LPCAT1: variants seen among roughly 807,000 people sequenced by gnomAD.
LPCAT1 encodes the protein 1-acylglycerol-3-phosphate O-acyltransferase.
Under a neutral mutation model 60.9 loss-of-function variants are expected in LPCAT1, and 23 were observed. That is an observed-to-expected ratio of 0.38 (90% confidence interval 0.27 to 0.53). The LOEUF is 0.53. Among genes scored for constraint, LPCAT1 ranks in the 20% least tolerant of loss-of-function variants. The probability of loss-of-function intolerance (pLI) is 0.82; values close to 1 mark genes in which losing one functional copy is unlikely to be tolerated. For synonymous variants in LPCAT1, 340 were observed against 301.1 expected (o/e 1.13, Z -1.34); for missense variants, 622 against 723.6 (o/e 0.86, Z 1.61).
chr5:1,465,881 AC>A (rs1734374030), intron 13 of LPCAT1, among the ~76,000 whole-genome samples: 1 of 145,040 alleles, frequency 6.9e-6, no homozygotes, highest in Non-Finnish European at 1.6e-5. Context: ...ACAAACGCAC[AC>A]AGGCGCACAC....
At position 1,483,634 on chromosome 5, in the gene LPCAT1, A is replaced by C. The variant is rs1735250386; in HGVS notation, c.668-148T>G. The stretch of plus-strand genomic sequence containing the variant: ...GGGCACTCCATGCCTGGACTATCTC[A>C]ACATCTGTCCTGACCGTAAACACCC... On this transcript the variant is annotated intron_variant, in intron 5 of 13. Coordinates refer to ENST00000283415, the MANE Select transcript of LPCAT1 (RefSeq NM_024830.5). This position sits in a 1 kb window ranked among gnomAD's most constrained non-coding sequence, Gnocchi z 9.2. 1.5e-4 allele frequency: 110 copies of C among 732,584 alleles called. No individual in the cohort carries two copies. Among genetic ancestry groups the C allele is most frequent in the East Asian group, 2.1e-4 (8 of 38,238 alleles). The allele number at this position is 732,584 out of a possible 1,614,324, so 45.4% of individuals were successfully genotyped here.
intron 11 of LPCAT1, among the ~76,000 whole-genome samples, chr5:1,471,768 G>C (rs919399373): frequency 1.3e-5 from 2 of 150,468 alleles, no homozygotes; most frequent in East Asian, 3.9e-4. Flanking sequence ...ACACAGGATA[G>C]GGGGGAGGAC....
rs770013228 is a variant in LPCAT1, at chr5:1,477,107, C to T, written c.899+297G>A. Among the ~76,000 whole-genome samples, 11 of 152,334 alleles carry T rather than the reference C, an allele frequency of 7.2e-5. No homozygotes were observed. The highest frequency in any genetic ancestry group is 2.1e-4 in the South Asian group (1 of 4,834). On this transcript the variant is annotated intron_variant, in intron 9 of 13. Coordinates refer to ENST00000283415, the MANE Select transcript of LPCAT1 (RefSeq NM_024830.5). This position sits in a 1 kb window ranked among gnomAD's most constrained non-coding sequence, Gnocchi z 6.0. ...GTGAAGTTGGCCCAGGCCAGCGCCC[C>T]GCTGGCTCATTTAGGGCACAGGAAA...
intron 12 of LPCAT1, among the ~76,000 whole-genome samples, chr5:1,467,523 G>A (rs926145435): frequency 6.6e-5 from 10 of 152,230 alleles, no homozygotes; most frequent in Non-Finnish European, 1.5e-4. Flanking sequence ...CTCTGTGCAG[G>A]GCCCAGTGCC....
rs539585623 is a variant in LPCAT1, at chr5:1,487,350, C to CGG, written c.667+1040_667+1041insCC. On this transcript the variant is annotated intron_variant, in intron 5 of 13. Transcript: ENST00000283415. The surrounding 1 kb of genome is among the most constrained non-coding windows in gnomAD (Gnocchi z 6.1). ...ATCTCTGGTTCTGATCAGAATGACT[C>CGG]AGAACCACGCGTGGTGAAGACAATG... Among the ~76,000 whole-genome samples the CGG allele has an allele frequency of 3.8e-3, 572 of 152,326 alleles. 6 individuals carry two copies. The highest frequency in any genetic ancestry group is 0.013 in the African/African-American group (548 of 41,574).
chr5:1,492,539 A>C (rs1341345599), intron 3 of LPCAT1, among the ~76,000 whole-genome samples: 1 of 107,598 alleles, frequency 9.3e-6, no homozygotes, highest in Non-Finnish European at 1.9e-5. Context: ...AAAATTTCTG[A>C]TAAGCTTGTC....
rs531343643 is a variant in LPCAT1, at chr5:1,482,080, G to A, written c.727-1104C>T. ...TCGCTGTGATGGGCAGGCCCTCCTC[G>A]GTGCTCTCCCAGGTGGGTGCTCCAC... On this transcript the variant is annotated intron_variant, in intron 6 of 13. Transcript: ENST00000283415. Among the ~76,000 whole-genome samples, 56 of 152,264 alleles carry A rather than the reference G, an allele frequency of 3.7e-4. 2 individuals are homozygous for A. The East Asian group carries it at 7.4e-3, about 20-fold the overall frequency.
intron 5 of LPCAT1, among the ~76,000 whole-genome samples, chr5:1,486,386 C>T (rs1444901800): frequency 6.6e-6 from 1 of 152,164 alleles, no homozygotes; most frequent in African/African-American, 2.4e-5. Context: ...GAGGACCCTG[C>T]TGGAGGCTCC....
chr5:1,470,666 T>G (rs1734630615), intron 12 of LPCAT1, among the ~76,000 whole-genome samples, 160 bp downstream of exon 12: 1 of 152,232 alleles, frequency 6.6e-6, no homozygotes. Context: ...TTTCTGGGCA[T>G]TTTACAAACA....
chr5:1,492,150 C>CGGGAGATGTCTCTGAGCTGGAAACCT (rs1300957588), intron 3 of LPCAT1, among the ~76,000 whole-genome samples: 3 of 126,680 alleles, frequency 2.4e-5, no homozygotes, highest in Non-Finnish European at 4.9e-5. Context: ...GCTGGGACCA[C>CGGGAGATGTCTCTGAGCTGGAAACCT]GGGAGATGTC....
At chr5:1,512,478 G>A (rs1351452254) in intron 1 of LPCAT1, among the ~76,000 whole-genome samples, 1 of 152,224 alleles carries the variant, frequency 6.6e-6, no homozygotes, top group African/African-American at 2.4e-5. Context: ...TCTGGGGCAA[G>A]CACCCTGCAG....
intron 2 of LPCAT1, among the ~76,000 whole-genome samples, chr5:1,499,113 A>G (rs1052179652): frequency 2.6e-5 from 4 of 152,252 alleles, no homozygotes; most frequent in African/African-American, 9.6e-5. Context: ...AGCTGCTAGA[A>G]TAAGAGTCCG....
intron 5 of LPCAT1, among the ~76,000 whole-genome samples, chr5:1,486,743 C>A (rs1038743305): frequency 6.6e-6 from 1 of 152,150 alleles, no homozygotes. Flanking sequence ...CCAGCTAAGA[C>A]GCATGAGGGC....
rs902228354 is a variant in LPCAT1, at chr5:1,495,344, C to T, written c.279-430G>A. On this transcript the variant is annotated intron_variant, in intron 2 of 13. Coordinates refer to ENST00000283415, the MANE Select transcript of LPCAT1 (RefSeq NM_024830.5). This position sits in a 1 kb window ranked among gnomAD's most constrained non-coding sequence, Gnocchi z 4.7. ...ATATCGCAATATGGGGGGGGGGGCGCTCAGAGCTGAGGGCGGAAGCTGAGA... is the reference window on the plus strand; with the variant it reads ...ATATCGCAATATGGGGGGGGGGGCGTTCAGAGCTGAGGGCGGAAGCTGAGA... Among the ~76,000 whole-genome samples the T allele has an allele frequency of 6.6e-6, 1 of 150,994 alleles. No homozygotes were observed. The highest frequency in any genetic ancestry group is 1.5e-5 in the Non-Finnish European group (1 of 67,858).
chr5:1,466,998 C>G, intron 12 of LPCAT1, 108 bp from the exon 13 acceptor site: 1 of 1,224,310 alleles, frequency 8.2e-7, no homozygotes, highest in Non-Finnish European at 1.1e-6. Context: ...AGCTGCTGGG[C>G]ACCTGCAGGG....
At chr5:1,474,170 G>A in intron 10 of LPCAT1, 60 bp from the exon 11 acceptor site, 1 of 1,534,102 alleles carries the variant, frequency 6.5e-7, no homozygotes, top group African/African-American at 1.4e-5. Flanking sequence ...GCTAACACCA[G>A]ATTTACTTCT....
rs985509925 is a variant in LPCAT1, at chr5:1,480,556, G to T, written c.761+386C>A. Among the ~76,000 whole-genome samples the T allele has an allele frequency of 4.6e-5, 7 of 152,132 alleles. No homozygotes were observed. Among genetic ancestry groups the T allele is most frequent in the Non-Finnish European group, 1.0e-4 (7 of 68,000 alleles). On this transcript the variant is annotated intron_variant, in intron 7 of 13. Transcript: ENST00000283415. The surrounding 1 kb of genome is among the most constrained non-coding windows in gnomAD (Gnocchi z 6.4). ...GACAGGGACACTGACTCACAGCAGGGGCTGGCCTCCCACCCAGCACTACTC... is the reference window on the plus strand; with the variant it reads ...GACAGGGACACTGACTCACAGCAGGTGCTGGCCTCCCACCCAGCACTACTC...
intron 8 of LPCAT1, among the ~76,000 whole-genome samples, chr5:1,478,957 T>A (rs1735026263): frequency 6.6e-6 from 1 of 152,234 alleles, no homozygotes; most frequent in African/African-American, 2.4e-5. Flanking sequence ...TGACTATGTA[T>A]TAAACAGAGC....
rs1376977307 is a variant in LPCAT1, at chr5:1,494,739, C to T, written c.454G>A (p.Val152Met). The T allele has an allele frequency of 1.2e-6, 2 of 1,614,218 alleles. No homozygotes were observed. The highest frequency in any genetic ancestry group is 1.7e-6 in the Non-Finnish European group (2 of 1,180,032). Residue 152 changes from valine (V) to methionine (M), a missense_variant, in exon 3 of 14, where the codon GTG becomes ATG. Physicochemically the swap from Val to Met is conservative, Grantham distance 21. Around this residue, in one of 3 missense-constraint regions of LPCAT1, gnomAD observed 209 missense variants for 325.5 expected, o/e 0.64. Transcript: ENST00000283415. ...IPVTMTMSSI[V>M]MKAESRDIPI... ...ATGTCTCTGCTCTCTGCCTTCATCA[C>T]GATGGAGGACATCGTCATGGTCACA...
Sources: allele counts gnomAD v4.1 joint callset (sites outside exome capture counted in the v4.1 genomes callset), GRCh38; gene constraint gnomAD v4.1.1; regional missense constraint gnomAD v4.1.1; non-coding constraint Gnocchi (gnomAD v3.1); transcripts MANE v1.5; gene names NCBI Gene and HGNC (gene_info 2026-07-23, HGNC 2026-07-21).